IRX2: variants seen among roughly 807,000 people sequenced by gnomAD.
IRX2 encodes iroquois homeobox 2.
A neutral mutation model predicts 42.9 loss-of-function variants in IRX2; 26 were observed. The ratio of observed to expected loss-of-function variants is 0.61; its 90% CI spans 0.44 to 0.84. The LOEUF (loss-of-function observed/expected upper bound fraction) is 0.84. IRX2 is among the 40% of genes least tolerant of loss of function. The probability of loss-of-function intolerance (pLI) is 0.00; values close to 1 mark genes in which losing one functional copy is unlikely to be tolerated. For synonymous variants in IRX2, 424 were observed against 353.9 expected (o/e 1.20, Z -2.22); for missense variants, 782 against 713.9 (o/e 1.10, Z -1.09).
At chr5:2,741,024 C>A (rs190535584), downstream of IRX2, among the ~76,000 whole-genome samples, 644 of 152,382 alleles carry the variant, frequency 4.2e-3, 6 homozygotes, top group African/African-American at 0.014. Context: ...CCTGCCCCAC[C>A]TTGCTGGGTG....
rs1017343433 is a variant in IRX2, at chr5:2,751,517, G to C, written c.-104C>G. The C allele has an allele frequency of 2.4e-6, 2 of 839,830 alleles. No homozygotes were observed. Among genetic ancestry groups the C allele is most frequent in the East Asian group, 2.6e-4 (2 of 7,804 alleles). 52.0% of individuals were successfully genotyped at this position (839,830 alleles called of 1,614,324 possible). A position where few individuals can be genotyped will look rare whatever the true frequency, so the allele number is the denominator to read the frequency against. On this transcript the variant is annotated 5_prime_UTR_variant, in exon 1 of 4. Transcript: ENST00000302057. This position sits in a 1 kb window ranked among gnomAD's most constrained non-coding sequence, Gnocchi z 4.0. ...GGGCGCGGCGCGGCGGCGGGCACCC[G>C]GACGGCCGGCGGAGGCAGGCCGGCC...
chr5:2,749,275 G>A, intron 2 of IRX2, 107 bp downstream of exon 2: 2 of 1,469,718 alleles, frequency 1.4e-6, no homozygotes, highest in Admixed American at 2.4e-5. Context: ...CTGGGGCTCC[G>A]GCCCGGACCT....
downstream of IRX2, among the ~76,000 whole-genome samples, chr5:2,745,136 T>C (rs1310229590): frequency 2.0e-5 from 3 of 152,178 alleles, no homozygotes; most frequent in African/African-American, 7.2e-5. Flanking sequence ...CAGCCCATAA[T>C]GAACCCCAAC....
rs772619530 is a variant in IRX2 at position 2,749,404 on chromosome 5, C to G, written c.633G>C (p.Thr211=). The G allele has an allele frequency of 1.7e-5, 28 of 1,612,498 alleles. No individual in the cohort carries two copies. The South Asian group carries it at 2.4e-4, about 14-fold the overall frequency. The change falls in exon 2 of 4, where the codon ACG becomes ACC. Residue 211 remains threonine, a synonymous_variant. Coordinates refer to ENST00000302057, the MANE Select transcript of IRX2 (RefSeq NM_033267.5). ...DESPDKAQEG[T]ETSAEDEGIS... The stretch of plus-strand genomic sequence containing the variant: ...CACCTTCGTCCTCTGCCGAGGTCTC[C>G]GTGCCCTCCTGCGCCTTGTCGGGAC...
In IRX2 at chr5:2,748,458, G is replaced by T. The variant is rs1211661707; in HGVS notation, c.1250C>A (p.Pro417His). The part of the protein sequence containing the change: ...LLRYNSAAAA[P>H]GEALHTAPKA... Reference sequence around the variant, plus strand: ...TGGCGCGGTGTGCAGGGCCTCGCCGGGGGCCGCGGCCGCAGAGTTGTACCG... The same window carrying T: ...TGGCGCGGTGTGCAGGGCCTCGCCGTGGGCCGCGGCCGCAGAGTTGTACCG... Residue 417 changes from proline (P) to histidine (H), a missense_variant, in exon 3 of 4, where the codon CCC becomes CAC. By Grantham distance (77) the Pro-to-His change is moderately conservative. Coordinates refer to ENST00000302057, the MANE Select transcript of IRX2 (RefSeq NM_033267.5). 3 of 1,569,824 alleles carry T rather than the reference G, an allele frequency of 1.9e-6. No individual in the cohort carries two copies. The highest frequency in any genetic ancestry group is 2.6e-6 in the Non-Finnish European group (3 of 1,161,882).
At chr5:2,742,302 G>A (rs1035632654), downstream of IRX2, among the ~76,000 whole-genome samples, 7 of 151,292 alleles carry the variant, frequency 4.6e-5, no homozygotes, top group Non-Finnish European at 8.9e-5. Flanking sequence ...GGGCTAGTGA[G>A]TGCTTTCATT....
Position 2,747,569 on chromosome 5 carries a change from G to T in IRX2, c.1411C>A (p.Leu471Ile), listed in dbSNP as rs369891608. ...CATTGCTGTGCTCGGCCCTTCTATA[G>T]GTAGGGCTGGACGCCCCCGCCAACC... is the stretch of plus-strand genomic sequence containing the variant. ...TVVGGGVQPY[L>I] The change falls in exon 4 of 4, where the codon CTA (leucine) becomes ATA (isoleucine). Residue 471 changes from leucine (L) to isoleucine (I), a missense_variant. Physicochemically the swap from Leu to Ile is conservative, Grantham distance 5. Transcript: ENST00000302057. The T allele has an allele frequency of 6.2e-7, 1 of 1,613,952 alleles. No individual in the cohort carries two copies. The highest frequency in any genetic ancestry group is 1.7e-5 in the Admixed American group (1 of 60,028).
chr5:2,751,492 G>A lies in IRX2; in HGVS notation c.-79C>T. ...GGCGCCCTCCATCCACGCCCGGCCG[G>A]GGCGCGGCGCGGCGGCGGGCACCCG... On this transcript the variant is annotated 5_prime_UTR_variant, in exon 1 of 4. Coordinates refer to ENST00000302057, the MANE Select transcript of IRX2 (RefSeq NM_033267.5). The surrounding 1 kb of genome is among the most constrained non-coding windows in gnomAD (Gnocchi z 4.0). 1.1e-6 allele frequency: 1 copy of A among 947,982 alleles called. No individual in the cohort carries two copies. The highest frequency in any genetic ancestry group is 1.3e-6 in the Non-Finnish European group (1 of 798,172). 58.7% of individuals were successfully genotyped at this position (947,982 alleles called of 1,614,324 possible).
Position 2,748,644 on chromosome 5 carries a change from G to A in IRX2, c.1064C>T (p.Pro355Leu). Residue 355 changes from proline (P) to leucine (L), a missense_variant, in exon 3 of 4, where the codon CCC becomes CTC. By Grantham distance (98) the Pro-to-Leu change is moderately conservative (BLOSUM62 -3). Around this residue, in one of 3 missense-constraint regions of IRX2, gnomAD observed 520 missense variants for 437.8 expected, o/e 1.19. Transcript: ENST00000302057. ...LGPGCGPPGL[P>L]AAAAPASTGA... The stretch of plus-strand genomic sequence containing the variant: ...GGTTGAGGCCGGCGCGGCGGCCGCG[G>A]GCAGCCCCGGTGGCCCGCAGCCCGG... 1 of 1,407,534 alleles carries A rather than the reference G, an allele frequency of 7.1e-7. No individual in the cohort carries two copies. Among genetic ancestry groups the A allele is most frequent in the Non-Finnish European group, 9.2e-7 (1 of 1,083,182 alleles). 87.2% of individuals were successfully genotyped at this position (1,407,534 alleles called of 1,614,324 possible).
intron 1 of IRX2, among the ~76,000 whole-genome samples, chr5:2,750,403 CCG>C (rs1737898419): frequency 6.6e-6 from 1 of 152,238 alleles, no homozygotes; most frequent in Non-Finnish European, 1.5e-5. Flanking sequence ...CCGCCGAGGG[CCG>C]GCAGTCGCGA....
At chr5:2,747,848 A>T (rs547644106) in intron 3 of IRX2, among the ~76,000 whole-genome samples, 1 of 152,344 alleles carries the variant, frequency 6.6e-6, no homozygotes, top group South Asian at 2.1e-4. Context: ...AACATAGCAC[A>T]GGGGAAAAAA....
chr5:2,751,181 C>G lies in IRX2; in HGVS notation c.233G>C (p.Gly78Ala). The G allele has an allele frequency of 7.9e-7, 1 of 1,266,648 alleles. No individual in the cohort carries two copies. The highest frequency in any genetic ancestry group is 9.9e-7 in the Non-Finnish European group (1 of 1,007,936). The allele number at this position is 1,266,648 out of a possible 1,614,324, so 78.5% of individuals were successfully genotyped here. The change falls in exon 1 of 4, where the codon GGC becomes GCC. Residue 78 changes from glycine (G) to alanine (A), a missense_variant. By Grantham distance (60) the Gly-to-Ala change is moderately conservative. Transcript: ENST00000302057. This position sits in a 1 kb window ranked among gnomAD's most constrained non-coding sequence, Gnocchi z 4.0. Reference sequence around the variant, plus strand: ...CCCGGTTACCATGTAGGACGGGAAGCCGGCGGCGGCGGCGGCGGCGTCGGC... The same window carrying G: ...CCCGGTTACCATGTAGGACGGGAAGGCGGCGGCGGCGGCGGCGGCGTCGGC... ...YSADAAAAAA[G>A]FPSYMGAPYD...
chr5:2,740,901 C>T (rs1279770465), downstream of IRX2, among the ~76,000 whole-genome samples: 2 of 152,132 alleles, frequency 1.3e-5, no homozygotes, highest in Admixed American at 6.5e-5. Flanking sequence ...TCGCCCCCTC[C>T]GAGCTTACTG....
chr5:2,739,410 T>C, the IRX2 span, among the ~76,000 whole-genome samples: 1 of 152,218 alleles, frequency 6.6e-6, no homozygotes, highest in African/African-American at 2.4e-5. Context: ...GCTACACGGC[T>C]CGCGCCGACC....
rs1737997752 is a variant in IRX2 at position 2,751,600 on chromosome 5, G to GGCAGCAGCGCGGAGCCGGTGGGC, written c.-210_-188dup. 1 of 184,050 alleles carries GGCAGCAGCGCGGAGCCGGTGGGC rather than the reference G, an allele frequency of 5.4e-6. No homozygotes were observed. Among genetic ancestry groups the GGCAGCAGCGCGGAGCCGGTGGGC allele is most frequent in the Non-Finnish European group, 1.0e-5 (1 of 99,920 alleles). The allele number at this position is 184,050 out of a possible 1,614,324, so 11.4% of individuals were successfully genotyped here. ...GCGGCGGCGGGGTGGCGGTGGCGGC[G>GGCAGCAGCGCGGAGCCGGTGGGC]GCAGCAGCGCGGAGCCGGTGGGCGC... is the stretch of plus-strand genomic sequence containing the variant. On this transcript the variant is annotated 5_prime_UTR_variant, in exon 1 of 4. Transcript: ENST00000302057. The surrounding 1 kb of genome is among the most constrained non-coding windows in gnomAD (Gnocchi z 4.0).
Position 2,751,153 on chromosome 5 carries a change from G to C in IRX2, c.249+12C>G. 12 of 1,240,350 alleles carry C rather than the reference G, an allele frequency of 9.7e-6. No individual in the cohort carries two copies. The highest frequency in any genetic ancestry group is 1.2e-5 in the Non-Finnish European group (12 of 990,988). The allele number at this position is 1,240,350 out of a possible 1,614,324, so 76.8% of individuals were successfully genotyped here. A position where few individuals can be genotyped will look rare whatever the true frequency, so the allele number is the denominator to read the frequency against. On this transcript the variant is annotated intron_variant, in intron 1 of 3. Coordinates refer to ENST00000302057, the MANE Select transcript of IRX2 (RefSeq NM_033267.5). The surrounding 1 kb of genome is among the most constrained non-coding windows in gnomAD (Gnocchi z 4.0). ...CGCCCAGGAGTCCCGCGTCCCGCCCGCGCCCGGTTACCATGTAGGACGGGA... is the reference window on the plus strand; with the variant it reads ...CGCCCAGGAGTCCCGCGTCCCGCCCCCGCCCGGTTACCATGTAGGACGGGA...
At chr5:2,743,992 C>T (rs1002092853), downstream of IRX2, among the ~76,000 whole-genome samples, 1 of 152,046 alleles carries the variant, frequency 6.6e-6, no homozygotes, top group African/African-American at 2.4e-5. Context: ...ATCAAAGAAG[C>T]TTCCTTAGCC....
downstream of IRX2, among the ~76,000 whole-genome samples, chr5:2,743,533 C>G (rs1737589759): frequency 1.3e-5 from 2 of 152,148 alleles, no homozygotes; most frequent in Admixed American, 6.5e-5. Flanking sequence ...GGCGCCGGGC[C>G]GCGGAGCCGG....
At chr5:2,750,299 G>A (rs1166646052) in intron 1 of IRX2, among the ~76,000 whole-genome samples, 1 of 152,170 alleles carries the variant, frequency 6.6e-6, no homozygotes, top group African/African-American at 2.4e-5. Context: ...CAAATACGCC[G>A]TAATTAGCAT....
Sources: allele counts gnomAD v4.1 joint callset (sites outside exome capture counted in the v4.1 genomes callset), GRCh38; gene constraint gnomAD v4.1.1; regional missense constraint gnomAD v4.1.1; non-coding constraint Gnocchi (gnomAD v3.1); transcripts MANE v1.5; gene names NCBI Gene and HGNC (gene_info 2026-07-23, HGNC 2026-07-21).